Variants in KAZN observed in about 807,000 individuals in gnomAD.
KAZN encodes kazrin.
A neutral mutation model predicts 87.4 loss-of-function variants in KAZN; 40 were observed. The ratio of observed to expected loss-of-function variants is 0.46; its 90% CI spans 0.36 to 0.60. The LOEUF is 0.60. KAZN is among the 20% of genes least tolerant of loss of function. The pLI, the probability that KAZN is intolerant of heterozygous loss-of-function variation, is 0.00. For missense variants in KAZN, 898 were observed against 1,073.9 expected, an observed-to-expected ratio of 0.84 and a Z score of 2.29; for synonymous variants, 466 against 458.3, an observed-to-expected ratio of 1.02 and a Z score of -0.22.
chr1:14,272,173 G>T (rs1557607587), intron 2 of KAZN, among the ~76,000 whole-genome samples: 1 of 152,172 alleles, frequency 6.6e-6, no homozygotes, highest in Non-Finnish European at 1.5e-5. Flanking sequence ...ACACTCATTT[G>T]TTCTCATGAA....
chr1:14,022,005 T>G (rs1640849610), intron 1 of KAZN, among the ~76,000 whole-genome samples: 1 of 135,252 alleles, frequency 7.4e-6, no homozygotes, highest in Admixed American at 8.6e-5. Flanking sequence ...GCATCATCAG[T>G]CTGTTCCATC....
At chr1:14,460,144 T>G (rs1667782018) in intron 2 of KAZN, among the ~76,000 whole-genome samples, 5 of 152,214 alleles carry the variant, frequency 3.3e-5, no homozygotes, top group Admixed American at 3.3e-4. Flanking sequence ...GTCTATGCAT[T>G]GGTGTAGCAT....
intron 1 of KAZN, among the ~76,000 whole-genome samples, chr1:13,894,176 T>G (rs1174375334): frequency 6.6e-6 from 1 of 152,166 alleles, no homozygotes; most frequent in African/African-American, 2.4e-5. Context: ...TTATGTTTAA[T>G]CTATGCCCCC....
intron 2 of KAZN, among the ~76,000 whole-genome samples, chr1:14,440,188 T>C (rs987569807): frequency 6.6e-6 from 1 of 152,236 alleles, no homozygotes; most frequent in Non-Finnish European, 1.5e-5. Context: ...GAAGGTACTC[T>C]GTAAAAAATG....
chr1:15,101,491 T>C (rs1335613102), intron 10 of KAZN, 52 bp from the exon 11 acceptor site: 2 of 1,313,968 alleles, frequency 1.5e-6, no homozygotes, highest in Non-Finnish European at 2.1e-6. Context: ...CGTCCGTCTG[T>C]TTCTGCCGCC....
chr1:14,307,739 G>A (rs1473424636), intron 2 of KAZN, among the ~76,000 whole-genome samples: 11 of 152,220 alleles, frequency 7.2e-5, no homozygotes, highest in African/African-American at 2.7e-4. Context: ...GTAACGCGTA[G>A]TGGGTCGCAA....
At chr1:13,923,955 G>A (rs558748252) in intron 1 of KAZN, among the ~76,000 whole-genome samples, 1 of 151,694 alleles carries the variant, frequency 6.6e-6, no homozygotes, top group African/African-American at 2.4e-5. Flanking sequence ...CTGACCATGC[G>A]GGTCTCCCCT....
chr1:14,839,167 C>T (rs929756524), intron 1 of KAZN, among the ~76,000 whole-genome samples: 3 of 152,124 alleles, frequency 2.0e-5, no homozygotes, highest in Non-Finnish European at 4.4e-5. Context: ...CCCTCAGATG[C>T]TTGGAAGAAA....
At chr1:14,551,038 C>G (rs1301291933) in intron 2 of KAZN, among the ~76,000 whole-genome samples, 2 of 151,956 alleles carry the variant, frequency 1.3e-5, no homozygotes, top group African/African-American at 4.8e-5. Flanking sequence ...AGCAAATGGC[C>G]TGGTTAGAAA....
chr1:14,003,234 G>T (rs1043794061), intron 1 of KAZN, among the ~76,000 whole-genome samples: 1 of 151,444 alleles, frequency 6.6e-6, no homozygotes, highest in Non-Finnish European at 1.5e-5. Context: ...GGAACTTAGA[G>T]GGTGGGTCAA....
intron 1 of KAZN, among the ~76,000 whole-genome samples, chr1:14,100,508 T>G (rs970011927): frequency 4.6e-5 from 7 of 152,148 alleles, no homozygotes; most frequent in Non-Finnish European, 1.0e-4. Flanking sequence ...AGGCTTGAGC[T>G]TCCAAGAGTC....
intron 2 of KAZN, among the ~76,000 whole-genome samples, chr1:14,254,167 T>C (rs1207117000): frequency 1.3e-5 from 2 of 152,218 alleles, no homozygotes; most frequent in African/African-American, 4.8e-5. Context: ...ATACCCATTA[T>C]GGCATGTGAC....
chr1:14,363,992 A>G (rs541454682), intron 2 of KAZN, among the ~76,000 whole-genome samples: 56 of 148,946 alleles, frequency 3.8e-4, no homozygotes, highest in African/African-American at 1.3e-3. Context: ...TTTAATTTGG[A>G]AGAGAGAGAT....
intron 2 of KAZN, among the ~76,000 whole-genome samples, chr1:14,520,489 A>G (rs1047688238): frequency 3.3e-5 from 5 of 152,206 alleles, no homozygotes; most frequent in African/African-American, 1.2e-4. Context: ...GAGATAGCAG[A>G]TGAAAACACA....
intron 2 of KAZN, among the ~76,000 whole-genome samples, chr1:14,415,656 G>C (rs1306815936): frequency 6.6e-6 from 1 of 152,164 alleles, no homozygotes; most frequent in Non-Finnish European, 1.5e-5. Flanking sequence ...TCTGGACTGG[G>C]ATCATGCAGA....
intron 2 of KAZN, among the ~76,000 whole-genome samples, chr1:14,558,756 T>C (rs1674072168): frequency 6.6e-6 from 1 of 152,202 alleles, no homozygotes; most frequent in African/African-American, 2.4e-5. Flanking sequence ...CAGTTGTCTG[T>C]ATTCTATCAT....
chr1:14,102,931 CG>C (rs1557477457), intron 1 of KAZN, among the ~76,000 whole-genome samples: 1 of 139,496 alleles, frequency 7.2e-6, no homozygotes, highest in African/African-American at 2.7e-5. Context: ...TTTTTTTTAA[CG>C]GAGTCTTGCT....
At chr1:13,956,427 C>G (rs989224922) in intron 1 of KAZN, among the ~76,000 whole-genome samples, 5 of 151,478 alleles carry the variant, frequency 3.3e-5, no homozygotes, top group African/African-American at 1.2e-4. Context: ...TTGTCTCTAT[C>G]TTTAATTCCT....
At chr1:14,992,125 G>A (rs77626072) in intron 2 of KAZN, among the ~76,000 whole-genome samples, 4 of 152,056 alleles carry the variant, frequency 2.6e-5, no homozygotes, top group Non-Finnish European at 5.9e-5. Flanking sequence ...TGAGTGGCTT[G>A]TCCATTACCG....
Sources: gnomAD v4.1 joint callset for allele counts (sites outside exome capture counted in the v4.1 genomes callset) on GRCh38, gnomAD v4.1.1 for gene constraint, MANE v1.5 for transcripts, NCBI Gene and HGNC (gene_info 2026-07-23, HGNC 2026-07-21) for gene names.